ANGPT1: variants seen among roughly 807,000 people sequenced by gnomAD.
ANGPT1 encodes angiopoietin 1, also known as angiopoietin-1.
Under a neutral mutation model 62.2 loss-of-function variants are expected in ANGPT1, and 17 were observed. The observed-to-expected ratio is 0.27, with a 90% confidence interval of 0.19 to 0.41. ANGPT1 has a LOEUF of 0.41. ANGPT1 is among the 10% of genes least tolerant of loss of function. ANGPT1 has a pLI of 1.00. For synonymous variants in ANGPT1, 199 were observed against 198.9 expected (o/e 1.00, Z 0.00); for missense variants, 478 against 594.9 (o/e 0.80, Z 2.04).
chr8:107,313,260 G>T (rs887483140), intron 4 of ANGPT1, among the ~76,000 whole-genome samples: 2 of 151,802 alleles, frequency 1.3e-5, no homozygotes, highest in South Asian at 4.2e-4. Context: ...TTCTTTGTAG[G>T]CTGCATATTA....
chr8:107,414,532 G>A (rs1810687048), intron 1 of ANGPT1, among the ~76,000 whole-genome samples: 1 of 152,100 alleles, frequency 6.6e-6, no homozygotes, highest in African/African-American at 2.4e-5. Flanking sequence ...ATTGGAAAAT[G>A]TAATTTTTTG....
At chr8:107,369,187 G>A (rs373997922) in intron 1 of ANGPT1, among the ~76,000 whole-genome samples, 1 of 152,156 alleles carries the variant, frequency 6.6e-6, no homozygotes, top group Admixed American at 6.5e-5. Flanking sequence ...ATCGGCACTT[G>A]CTGCCTCACC....
chr8:107,348,547 T>A (rs1041601424), intron 1 of ANGPT1, among the ~76,000 whole-genome samples: 2 of 152,122 alleles, frequency 1.3e-5, no homozygotes, highest in African/African-American at 4.8e-5. Context: ...GGGAAAAAAA[T>A]TCAACCTATA....
At chr8:107,286,650 T>G (rs1228812723) in intron 6 of ANGPT1, among the ~76,000 whole-genome samples, 3 of 152,162 alleles carry the variant, frequency 2.0e-5, no homozygotes, top group African/African-American at 4.8e-5. Flanking sequence ...TTAACTAAGT[T>G]TTTTGATAGG....
intron 1 of ANGPT1, among the ~76,000 whole-genome samples, chr8:107,366,005 T>G (rs1053176517): frequency 2.0e-5 from 3 of 152,228 alleles, no homozygotes; most frequent in Admixed American, 6.5e-5. Flanking sequence ...TTACAATGTT[T>G]AATTTTATTT....
intron 7 of ANGPT1, among the ~76,000 whole-genome samples, chr8:107,269,956 C>T (rs147857894): frequency 2.1e-3 from 318 of 152,112 alleles, no homozygotes; most frequent in African/African-American, 7.5e-3. Context: ...ATAAAAGTTA[C>T]TCCTTTTCAA....
chr8:107,371,210 G>C (rs1339046323), intron 1 of ANGPT1, among the ~76,000 whole-genome samples: 1 of 152,212 alleles, frequency 6.6e-6, no homozygotes, highest in Non-Finnish European at 1.5e-5. Context: ...AATCAGTGTA[G>C]TAGGATCAAA....
intron 1 of ANGPT1, among the ~76,000 whole-genome samples, chr8:107,390,392 T>A (rs547702769): frequency 6.7e-6 from 1 of 148,600 alleles, no homozygotes; most frequent in African/African-American, 2.5e-5. Flanking sequence ...TTCAGTTCAG[T>A]CTGGTTTAAA....
At chr8:107,264,473 C>G (rs1251091709) in intron 7 of ANGPT1, 122 bp from the exon 8 acceptor site, 1 of 1,236,894 alleles carries the variant, frequency 8.1e-7, no homozygotes, top group Admixed American at 2.6e-5. Flanking sequence ...CTCAGCCCTT[C>G]CAACAAACCT....
intron 2 of ANGPT1, among the ~76,000 whole-genome samples, chr8:107,344,170 T>C (rs891130262): frequency 6.6e-6 from 1 of 152,290 alleles, no homozygotes; most frequent in Admixed American, 6.5e-5. Context: ...TACTTAGAAC[T>C]GAGGCAAGCA....
At chr8:107,299,352 C>G (rs1814497269) in intron 5 of ANGPT1, among the ~76,000 whole-genome samples, 1 of 141,878 alleles carries the variant, frequency 7.0e-6, no homozygotes, top group Admixed American at 7.2e-5. Flanking sequence ...ATGGGAGTCT[C>G]TATCTCATAG....
At chr8:107,439,999 G>A (rs1337299156) in intron 1 of ANGPT1, among the ~76,000 whole-genome samples, 1 of 152,152 alleles carries the variant, frequency 6.6e-6, no homozygotes, top group Admixed American at 6.5e-5. Context: ...CATGGTGCAG[G>A]GAAAGCAGAA....
chr8:107,481,532 C>CAAAAAA (rs71562147), intron 1 of ANGPT1, among the ~76,000 whole-genome samples: 2 of 64,332 alleles, frequency 3.1e-5, no homozygotes, highest in African/African-American at 1.3e-4. Flanking sequence ...GACTCTGTCT[C>CAAAAAA]AAAAAAAAAA....
In ANGPT1 at chr8:107,271,904, T is replaced by TAA. The variant is rs35257524; in HGVS notation, c.1206-7555_1206-7554dup. Among the ~76,000 whole-genome samples, 468 of 138,224 alleles carry TAA rather than the reference T, an allele frequency of 3.4e-3. 1 individual carries two copies. The highest frequency in any genetic ancestry group is 0.011 in the African/African-American group (428 of 37,956). 90.7% of individuals were successfully genotyped at this position (138,224 alleles called of 152,430 possible). On this transcript the variant is annotated intron_variant, in intron 7 of 8. Transcript: ENST00000517746. ...TTTCTTTACTCATAATTGATACTGG[T>TAA]AAAAAAAAAAAAAAAAAAAATTCCT...
intron 1 of ANGPT1, among the ~76,000 whole-genome samples, chr8:107,409,938 AATCC>A (rs5893861): frequency 0.44 from 65,882 of 148,734 alleles, 14,857 homozygotes; most frequent in East Asian, 0.7. Context: ...ATATGTGATG[AATCC>A]ATCCATCCAT....
At chr8:107,433,809 T>C (rs1483410564) in intron 1 of ANGPT1, among the ~76,000 whole-genome samples, 2 of 152,152 alleles carry the variant, frequency 1.3e-5, no homozygotes, top group Admixed American at 6.5e-5. Context: ...GAGCATGAAC[T>C]GGAGAACTGG....
rs1002799364 is a variant in ANGPT1, at chr8:107,344,101, G to A, written c.453+2841C>T. ...AAGATAAGGAAATAAACATAGGATGGTATATCATCTACCTTATAGAATTCA... is the reference window on the plus strand; with the variant it reads ...AAGATAAGGAAATAAACATAGGATGATATATCATCTACCTTATAGAATTCA... On this transcript the variant is annotated intron_variant, in intron 2 of 8. Transcript: ENST00000517746. 4.0e-5 allele frequency among the ~76,000 whole-genome samples: 6 copies of A among 151,870 alleles called. No homozygotes were observed. In the East Asian group the frequency reaches 9.7e-4, roughly 24 times the overall value.
chr8:107,489,696 C>T lies in ANGPT1; in HGVS notation c.297+7566G>A, dbSNP rs558841323. Among the ~76,000 whole-genome samples the T allele has an allele frequency of 1.2e-4, 19 of 152,132 alleles. No homozygotes were observed. In the South Asian group the frequency reaches 3.1e-3, roughly 25 times the overall value. On this transcript the variant is annotated intron_variant, in intron 1 of 8. Coordinates refer to ENST00000517746, the MANE Select transcript of ANGPT1 (RefSeq NM_001146.5). ...TAAAGAGAAGATAATCCATGGAGGGCGTCATTCTTTAAAAACCTCTTTGAT... is the reference window on the plus strand; with the variant it reads ...TAAAGAGAAGATAATCCATGGAGGGTGTCATTCTTTAAAAACCTCTTTGAT...
intron 1 of ANGPT1, among the ~76,000 whole-genome samples, chr8:107,362,402 G>T (rs1380676060): frequency 6.6e-6 from 1 of 152,126 alleles, no homozygotes; most frequent in African/African-American, 2.4e-5. Flanking sequence ...TTCTCATAGA[G>T]AAGAAATACA....
Sources: gnomAD v4.1 joint callset for allele counts (sites outside exome capture counted in the v4.1 genomes callset) on GRCh38, gnomAD v4.1.1 for gene constraint, MANE v1.5 for transcripts, NCBI Gene and HGNC (gene_info 2026-07-23, HGNC 2026-07-21) for gene names.